The following AFF1 variants were observed in gnomAD, a reference collection of about 807,000 sequenced individuals.
The protein encoded by AFF1 is AF4/FMR2 family member 1.
In AFF1, 48 loss-of-function variants were observed where a neutral mutation model predicts 121.7. That is an observed-to-expected ratio of 0.39 (90% CI 0.31 to 0.50). AFF1 has a LOEUF of 0.50. AFF1 is among the 20% of genes least tolerant of loss of function. The pLI is 0.76. For synonymous variants in AFF1, 613 were observed against 563.0 expected, an observed-to-expected ratio of 1.09 and a Z score of -1.26; for missense variants, 1,523 against 1,511.7, an observed-to-expected ratio of 1.01 and a Z score of -0.12.
chr4:87,128,276 A>T (rs1401898311), intron 16 of AFF1, among the ~76,000 whole-genome samples: 2 of 152,256 alleles, frequency 1.3e-5, no homozygotes, highest in African/African-American at 4.8e-5. Context: ...GTTGGTAAAC[A>T]TGCTTTAAAA....
chr4:87,095,323 T>A (rs144535597), intron 8 of AFF1, among the ~76,000 whole-genome samples: 2,052 of 152,294 alleles, frequency 0.013, 18 homozygotes, highest in Non-Finnish European at 0.022. Context: ...TTCACCATAT[T>A]GGCCAGGCTA....
At chr4:87,067,486 A>G (rs1172915473) in intron 4 of AFF1, among the ~76,000 whole-genome samples, 2 of 152,232 alleles carry the variant, frequency 1.3e-5, no homozygotes, top group Admixed American at 6.5e-5. Flanking sequence ...GTGATGGACT[A>G]CAGTGAGAAG....
chr4:87,107,570 G>A (rs1171446036), intron 10 of AFF1, among the ~76,000 whole-genome samples: 1 of 152,178 alleles, frequency 6.6e-6, no homozygotes. Flanking sequence ...ATATTTAGTG[G>A]TCTTTGGCTA....
chr4:86,964,928 T>C (rs1275432215), intron 2 of AFF1, among the ~76,000 whole-genome samples: 4 of 152,250 alleles, frequency 2.6e-5, no homozygotes, highest in Admixed American at 2.6e-4. Context: ...TATTTAATCC[T>C]TCAGCACTAT....
intron 2 of AFF1, among the ~76,000 whole-genome samples, chr4:86,987,116 T>G (rs1724348995): frequency 6.6e-6 from 1 of 152,142 alleles, no homozygotes; most frequent in South Asian, 2.1e-4. Flanking sequence ...TCTTCAAGCC[T>G]ATTTAAAACT....
At chr4:86,958,091 C>T (rs201099472) in intron 2 of AFF1, among the ~76,000 whole-genome samples, 3 of 107,106 alleles carry the variant, frequency 2.8e-5, no homozygotes, top group East Asian at 2.5e-4. Flanking sequence ...TTTTTTTTTC[C>T]TTTTTTTTTT....
chr4:86,966,947 C>T (rs1037589607), intron 2 of AFF1, among the ~76,000 whole-genome samples: 1 of 152,206 alleles, frequency 6.6e-6, no homozygotes, highest in Non-Finnish European at 1.5e-5. Flanking sequence ...TTTCAAGTCT[C>T]ATCTCCCATC....
At chr4:86,986,040 C>CAATTT (rs60227626) in intron 2 of AFF1, among the ~76,000 whole-genome samples, 13,144 of 135,428 alleles carry the variant, frequency 0.097, 922 homozygotes, top group African/African-American at 0.21. Flanking sequence ...TAATTCAATT[C>CAATTT]AATTTAATTT....
intron 2 of AFF1, chr4:87,020,675 A>T (rs1727809351): frequency 2.3e-6 from 1 of 427,538 alleles, no homozygotes; most frequent in African/African-American, 2.2e-5. Flanking sequence ...TAGTGGAGAC[A>T]GGGTTTCACT....
intron 4 of AFF1, among the ~76,000 whole-genome samples, chr4:87,081,007 ACTTACT>A (rs1723108704): frequency 6.6e-6 from 1 of 152,134 alleles, no homozygotes; most frequent in Non-Finnish European, 1.5e-5. Context: ...TAACTCTCTA[ACTTACT>A]CTTAAACAGT....
At chr4:87,055,507 G>T (rs1720027506) in intron 4 of AFF1, among the ~76,000 whole-genome samples, 1 of 152,228 alleles carries the variant, frequency 6.6e-6, no homozygotes. Flanking sequence ...GATGGTTATT[G>T]GATCCCCCTG....
intron 2 of AFF1, among the ~76,000 whole-genome samples, chr4:86,973,524 G>A (rs934288452): frequency 3.3e-5 from 5 of 152,094 alleles, no homozygotes; most frequent in African/African-American, 9.7e-5. Flanking sequence ...TTATGGTATG[G>A]CCAAAATTTT....
At position 87,047,331 on chromosome 4, in the gene AFF1, C is replaced by A; in HGVS notation, c.796C>A (p.Pro266Thr). Residue 266 changes from proline (P) to threonine (T), a missense_variant, in exon 4 of 21, where the codon CCT (proline) becomes ACT (threonine). Physicochemically the swap from Pro to Thr is conservative, Grantham distance 38. Coordinates refer to ENST00000395146, the MANE Select transcript of AFF1 (RefSeq NM_001166693.3). ...AGTGAAAGTCCATGATAAAGAGACC[C>A]CTCAAGACAGTTTGGTGGCCCCTGC... ...LAVKVHDKETPQDSLVAPAQP... is the reference protein window; with the variant it reads ...LAVKVHDKETTQDSLVAPAQP... 1 of 1,614,140 alleles carries A rather than the reference C, an allele frequency of 6.2e-7. No homozygotes were observed. The highest frequency in any genetic ancestry group is 1.3e-5 in the African/African-American group (1 of 75,034).
At chr4:87,039,866 C>T (rs1388828039) in intron 2 of AFF1, among the ~76,000 whole-genome samples, 2 of 152,068 alleles carry the variant, frequency 1.3e-5, no homozygotes, top group Admixed American at 6.5e-5. Context: ...ACATCAGAGG[C>T]TCTGAAACAA....
intron 4 of AFF1, among the ~76,000 whole-genome samples, chr4:87,066,793 T>C (rs188390583): frequency 6.6e-6 from 1 of 152,352 alleles, no homozygotes; most frequent in Admixed American, 6.5e-5. Context: ...ATCAGCACTT[T>C]CCTGGTGGAC....
rs1578336288 is a variant in AFF1, at chr4:87,137,925, C to T, written c.*2224C>T. ...GATTGTGCCAGAGCATGTGCGTGTT[C>T]TGTTGGCAAGCCACAGTGCTCCCTT... is the stretch of plus-strand genomic sequence containing the variant. On this transcript the variant is annotated 3_prime_UTR_variant, in exon 21 of 21. Coordinates refer to ENST00000395146, the MANE Select transcript of AFF1 (RefSeq NM_001166693.3). 8.6e-6 allele frequency: 2 copies of T among 231,808 alleles called. No homozygotes were observed. Among genetic ancestry groups the T allele is most frequent in the East Asian group, 1.2e-4 (2 of 16,396 alleles). 14.4% of individuals were successfully genotyped at this position (231,808 alleles called of 1,614,324 possible).
chr4:86,998,322 C>G (rs1156407824), intron 2 of AFF1, among the ~76,000 whole-genome samples: 1 of 152,106 alleles, frequency 6.6e-6, no homozygotes, highest in African/African-American at 2.4e-5. Flanking sequence ...GAAGAAAGAG[C>G]ATTCTTGCAT....
chr4:87,063,055 T>C (rs1479314175), intron 4 of AFF1, among the ~76,000 whole-genome samples: 1 of 152,070 alleles, frequency 6.6e-6, no homozygotes, highest in Non-Finnish European at 1.5e-5. Flanking sequence ...TTCTGTAAAA[T>C]AGCAATGGTA....
intron 14 of AFF1, 58 bp from the exon 15 acceptor site, chr4:87,126,968 T>C: frequency 6.8e-7 from 1 of 1,468,500 alleles, no homozygotes; most frequent in Non-Finnish European, 9.5e-7. Context: ...GATGGTACTT[T>C]TAGGACAGTG....
Sources: allele counts gnomAD v4.1 joint callset (sites outside exome capture counted in the v4.1 genomes callset), GRCh38; gene constraint gnomAD v4.1.1; transcripts MANE v1.5; gene names NCBI Gene and HGNC (gene_info 2026-07-23, HGNC 2026-07-21).